ALPI: variants seen among roughly 807,000 people sequenced by gnomAD.
ALPI encodes the protein intestinal-type alkaline phosphatase.
A neutral mutation model predicts 51.5 loss-of-function variants in ALPI; 50 were observed. The observed-to-expected ratio is 0.97, with a 90% CI of 0.77 to 1.23. The LOEUF (loss-of-function observed/expected upper bound fraction) is 1.23. ALPI is among the 50% of genes most tolerant of loss of function. The probability of loss-of-function intolerance (pLI) is 0.00; values close to 1 mark genes in which losing one functional copy is unlikely to be tolerated. For missense variants in ALPI, 692 were observed against 722.4 expected (o/e 0.96, Z 0.48); for synonymous variants, 322 against 308.2 (o/e 1.04, Z -0.47).
rs369465035 is a variant in ALPI at position 232,458,957 on chromosome 2, C to G, written c.1398C>G (p.His466Gln). The G allele has an allele frequency of 1.3e-6, 2 of 1,598,052 alleles. No homozygotes were observed. The highest frequency in any genetic ancestry group is 1.7e-6 in the Non-Finnish European group (2 of 1,172,874). The change falls in exon 11 of 11, where the codon CAC becomes CAG. Residue 466 changes from histidine to glutamine, a missense_variant. Physicochemically the swap from His to Gln is conservative, Grantham distance 24. Coordinates refer to ENST00000295463, the MANE Select transcript of ALPI (RefSeq NM_001631.5). ...TGTTTGCGCGCGGCCCGCAGGCGCACCTGGTGCATGGTGTGCAGGAGCAGA... is the reference window on the plus strand; with the variant it reads ...TGTTTGCGCGCGGCCCGCAGGCGCAGCTGGTGCATGGTGTGCAGGAGCAGA... Reference protein sequence around the residue: ...VAVFARGPQAHLVHGVQEQSF... With the variant: ...VAVFARGPQAQLVHGVQEQSF...
Position 232,458,205 on chromosome 2 carries a change from G to T in ALPI, c.992-12G>T. ...CAGGTTCAAGCATCACCCCCCTCTG[G>T]CCTTCCTGCAGGCGGCCGCATCGAC... On this transcript the variant is annotated splice_polypyrimidine_tract_variant and intron_variant, in intron 8 of 10. Coordinates refer to ENST00000295463, the MANE Select transcript of ALPI (RefSeq NM_001631.5). 6.2e-7 allele frequency: 1 copy of T among 1,613,980 alleles called. No individual in the cohort carries two copies. Among genetic ancestry groups the T allele is most frequent in the Non-Finnish European group, 8.5e-7 (1 of 1,179,936 alleles).
In ALPI at chr2:232,456,517, G is replaced by C; in HGVS notation, c.184+52G>C. 1 of 1,611,222 alleles carries C rather than the reference G, an allele frequency of 6.2e-7. No homozygotes were observed. On this transcript the variant is annotated intron_variant, in intron 2 of 10. Transcript: ENST00000295463. This position sits in a 1 kb window ranked among gnomAD's most constrained non-coding sequence, Gnocchi z 4.2. Reference sequence around the variant, plus strand: ...CGTAGTCCTCACAGCCCCGGCACCCGGGACCTTCAGTGGTTCCAGGACAAC... The same window carrying C: ...CGTAGTCCTCACAGCCCCGGCACCCCGGACCTTCAGTGGTTCCAGGACAAC...
chr2:232,458,643 A>C lies in ALPI; in HGVS notation c.1195A>C (p.Ser399Arg). 1 of 1,613,838 alleles carries C rather than the reference A, an allele frequency of 6.2e-7. No individual in the cohort carries two copies. Residue 399 changes from serine (S) to arginine (R), a missense_variant, in exon 10 of 11, where the codon AGC becomes CGC. By Grantham distance (110) the Ser-to-Arg change is moderately radical. Transcript: ENST00000295463. ...RGSSIFGLAP[S>R]KAQDSKAYTS... ...GCATCTCCCTACAGGGTTGGCCCCCAGCAAGGCTCAGGACAGCAAAGCCTA... is the reference window on the plus strand; with the variant it reads ...GCATCTCCCTACAGGGTTGGCCCCCCGCAAGGCTCAGGACAGCAAAGCCTA...
Position 232,457,495 on chromosome 2 carries a change from G to T in ALPI, c.649-70G>T, listed in dbSNP as rs1483577241. ...CACAGCCCTGGGGAGGGGAGCCAGG[G>T]GCTATGCATGAGGAGGGGGCACGGG... On this transcript the variant is annotated intron_variant, in intron 5 of 10. Coordinates refer to ENST00000295463, the MANE Select transcript of ALPI (RefSeq NM_001631.5). The surrounding 1 kb of genome is among the most constrained non-coding windows in gnomAD (Gnocchi z 4.7). 4 of 1,553,510 alleles carry T rather than the reference G, an allele frequency of 2.6e-6. No individual in the cohort carries two copies. The African/African-American group carries it at 5.5e-5, about 21-fold the overall frequency.
Position 232,460,059 on chromosome 2 carries a change from A to G in ALPI, c.*913A>G, listed in dbSNP as rs1351849414. The G allele has an allele frequency of 1.3e-5, 2 of 152,296 alleles. No homozygotes were observed. The highest frequency in any genetic ancestry group is 2.9e-5 in the Non-Finnish European group (2 of 68,088). The allele number at this position is 152,296 out of a possible 1,614,324, so 9.4% of individuals were successfully genotyped here. ...GCCAGTACTACTTCCTAGGAGAAAA[A>G]TCATGAGTGAGTGTGGGCACAGTAT... On this transcript the variant is annotated 3_prime_UTR_variant, in exon 11 of 11. Transcript: ENST00000295463.
rs1206212043 is a variant in ALPI, at chr2:232,456,321, A to G, written c.68-28A>G. On this transcript the variant is annotated intron_variant, in intron 1 of 10. Transcript: ENST00000295463. This position sits in a 1 kb window ranked among gnomAD's most constrained non-coding sequence, Gnocchi z 4.2. ...ACAGGGCACCCCCTCAGCCAGGCTGACCTGATCTCTACTCTCCCCCTGGCC... is the reference window on the plus strand; with the variant it reads ...ACAGGGCACCCCCTCAGCCAGGCTGGCCTGATCTCTACTCTCCCCCTGGCC... The G allele has an allele frequency of 3.7e-6, 6 of 1,613,836 alleles. No individual in the cohort carries two copies. Among genetic ancestry groups the G allele is most frequent in the African/African-American group, 1.3e-5 (1 of 74,832 alleles).
chr2:232,458,549 C>T (rs1690244669), intron 9 of ALPI, 83 bp from the exon 10 acceptor site: 3 of 1,545,436 alleles, frequency 1.9e-6, no homozygotes, highest in South Asian at 1.2e-5. Flanking sequence ...CCCGAACAGG[C>T]AAAAAGTGGC....
Position 232,459,559 on chromosome 2 carries a change from A to C in ALPI, c.*413A>C. 5.4e-6 allele frequency: 1 copy of C among 183,760 alleles called. No individual in the cohort carries two copies. The highest frequency in any genetic ancestry group is 1.1e-5 in the Non-Finnish European group (1 of 89,046). The allele number at this position is 183,760 out of a possible 1,614,324, so 11.4% of individuals were successfully genotyped here. ...CGTCCCCCATCGTGGGACACGACAC[A>C]CCCAGACCGCGTGCCCCACCGTCTT... On this transcript the variant is annotated 3_prime_UTR_variant, in exon 11 of 11. Coordinates refer to ENST00000295463, the MANE Select transcript of ALPI (RefSeq NM_001631.5).
rs566739473 is a variant in ALPI at position 232,456,443 on chromosome 2, C to A, written c.162C>A (p.Asn54Lys). The change falls in exon 2 of 11, where the codon AAC (asparagine) becomes AAA (lysine). Residue 54 changes from asparagine (N) to lysine (K), a missense_variant. Physicochemically the swap from Asn to Lys is moderately conservative, Grantham distance 94. Transcript: ENST00000295463. This position sits in a 1 kb window ranked among gnomAD's most constrained non-coding sequence, Gnocchi z 4.2. ...KLQPIQKVAK[N>K]LILFLGDGLG... ...AGCCCATCCAGAAGGTCGCCAAGAA[C>A]CTCATCCTCTTCCTGGGCGATGGTG... is the stretch of plus-strand genomic sequence containing the variant. 1.1e-4 allele frequency: 173 copies of A among 1,614,038 alleles called. 1 individual carries two copies. In the South Asian group the frequency reaches 1.8e-3, roughly 16 times the overall value.
rs73007641 is a variant in ALPI at position 232,456,193 on chromosome 2, C to T, written c.-7C>T. 1 of 1,613,180 alleles carries T rather than the reference C, an allele frequency of 6.2e-7. No homozygotes were observed. The highest frequency in any genetic ancestry group is 8.5e-7 in the Non-Finnish European group (1 of 1,179,962). On this transcript the variant is annotated 5_prime_UTR_variant, in exon 1 of 11. Coordinates refer to ENST00000295463, the MANE Select transcript of ALPI (RefSeq NM_001631.5). The surrounding 1 kb of genome is among the most constrained non-coding windows in gnomAD (Gnocchi z 4.2). ...CCACTTCGCCTCCCTCCTGCTGCCCCCAAGACATGCAGGGGCCCTGGGTGC... is the reference window on the plus strand; with the variant it reads ...CCACTTCGCCTCCCTCCTGCTGCCCTCAAGACATGCAGGGGCCCTGGGTGC...
rs751809559 is a variant in ALPI at position 232,456,987 on chromosome 2, G to C, written c.389G>C (p.Gly130Ala). The change falls in exon 4 of 11, where the codon GGC becomes GCC. Residue 130 changes from glycine to alanine, a missense_variant. Transcript: ENST00000295463. The surrounding 1 kb of genome is among the most constrained non-coding windows in gnomAD (Gnocchi z 4.2). The stretch of plus-strand genomic sequence containing the variant: ...GTCAAGGCCAACTTCCAGACCATCG[G>C]CTTGAGTGCAGCCGCCCGCTTTAAC... The part of the protein sequence containing the change: ...CGVKANFQTI[G>A]LSAAARFNQC... The C allele has an allele frequency of 1.1e-5, 17 of 1,613,542 alleles. No individual in the cohort carries two copies. The highest frequency in any genetic ancestry group is 1.4e-5 in the Non-Finnish European group (17 of 1,180,040).
intron 10 of ALPI, 44 bp from the exon 11 acceptor site, chr2:232,458,816 G>T: frequency 6.2e-7 from 1 of 1,609,120 alleles, no homozygotes; most frequent in Non-Finnish European, 8.5e-7. Context: ...CGCGGGAGGG[G>T]GACGCCGCCT....
Position 232,458,297 on chromosome 2 carries a change from G to C in ALPI, c.1072G>C (p.Glu358Gln), listed in dbSNP as rs1364798496. The C allele has an allele frequency of 6.2e-7, 1 of 1,614,170 alleles. No homozygotes were observed. The highest frequency in any genetic ancestry group is 1.7e-5 in the Admixed American group (1 of 60,022). Residue 358 changes from glutamate (E) to glutamine (Q), a missense_variant, in exon 9 of 11, where the codon GAG becomes CAG. By Grantham distance (29) the Glu-to-Gln change is conservative. Transcript: ENST00000295463. The stretch of plus-strand genomic sequence containing the variant: ...GGCGGTCATGTTCGACGACGCCATT[G>C]AGAGGGCGGGCCAGCTCACCAGCGA... ...TEAVMFDDAI[E>Q]RAGQLTSEED...
rs1334845175 is a variant in ALPI at position 232,459,484 on chromosome 2, C to T, written c.*338C>T. 3.1e-6 allele frequency: 1 copy of T among 321,716 alleles called. No homozygotes were observed. Among genetic ancestry groups the T allele is most frequent in the Non-Finnish European group, 5.8e-6 (1 of 172,620 alleles). 19.9% of individuals were successfully genotyped at this position (321,716 alleles called of 1,614,324 possible). ...ATAAAGGGACCAAAACCACCCAACC[C>T]CCACCCTGCCTCTATCCTAAGGAAG... On this transcript the variant is annotated 3_prime_UTR_variant, in exon 11 of 11. Transcript: ENST00000295463.
In ALPI at chr2:232,456,738, G is replaced by C. The variant is rs767623702; in HGVS notation, c.300+43G>C. 8 of 1,559,120 alleles carry C rather than the reference G, an allele frequency of 5.1e-6. No homozygotes were observed. The highest frequency in any genetic ancestry group is 6.9e-6 in the Non-Finnish European group (8 of 1,151,786). ...TCAGAGTCCTCCAAGCAGAGGAGAG[G>C]GATCAAGGATATGGAGTGTGGCAGG... On this transcript the variant is annotated intron_variant, in intron 3 of 10. Transcript: ENST00000295463. This position sits in a 1 kb window ranked among gnomAD's most constrained non-coding sequence, Gnocchi z 4.2.
In ALPI at chr2:232,458,131, G is replaced by A. The variant is rs772242629; in HGVS notation, c.990G>A (p.Glu330=). 6.2e-7 allele frequency: 1 copy of A among 1,614,120 alleles called. No individual in the cohort carries two copies. Among genetic ancestry groups the A allele is most frequent in the Non-Finnish European group, 8.5e-7 (1 of 1,180,002 alleles). Residue 330 remains glutamate, a splice_region_variant and synonymous_variant, in exon 8 of 11, where the codon GAG becomes GAA. Transcript: ENST00000295463. The part of the protein sequence containing the change: ...RNPRGFYLFV[E]GGRIDHGHHE... ...CCCGCGGCTTCTACCTCTTTGTGGA[G>A]GGTGCGTGGTGGCCCCTGGGGAGTG...
rs61736995 is a variant in ALPI, at chr2:232,456,257, G to A, written c.58G>A (p.Val20Ile). Residue 20 changes from valine (V) to isoleucine (I), a missense_variant, in exon 1 of 11, where the codon GTC becomes ATC. Transcript: ENST00000295463. This position sits in a 1 kb window ranked among gnomAD's most constrained non-coding sequence, Gnocchi z 4.2. Reference sequence around the variant, plus strand: ...CCTGAGGCTACAGCTCTCCCTGGGCGTCATCCCAGGTAATGAGGCTCCCCA... The same window carrying A: ...CCTGAGGCTACAGCTCTCCCTGGGCATCATCCCAGGTAATGAGGCTCCCCA... ...LGLRLQLSLG[V>I]IPAEEENPAF... is the part of the protein sequence containing the mutation. The A allele has an allele frequency of 2.6e-3, 4,179 of 1,613,976 alleles. 75 individuals are homozygous for A. The African/African-American group carries it at 0.048, about 18-fold the overall frequency.
Position 232,457,358 on chromosome 2 carries a change from A to G in ALPI, c.648+36A>G. On this transcript the variant is annotated intron_variant, in intron 5 of 10. Transcript: ENST00000295463. This position sits in a 1 kb window ranked among gnomAD's most constrained non-coding sequence, Gnocchi z 4.7. ...CGGGCCAAGGGCTGGGGCTGGGCAG[A>G]GGGGAAGGTGGCACAGGCTCAGATC... is the stretch of plus-strand genomic sequence containing the variant. The G allele has an allele frequency of 6.3e-7, 1 of 1,575,310 alleles. No homozygotes were observed. The highest frequency in any genetic ancestry group is 8.6e-7 in the Non-Finnish European group (1 of 1,160,404).
At position 232,457,869 on chromosome 2, in the gene ALPI, T is replaced by C. The variant is rs1690226162; in HGVS notation, c.856+2T>C. ...ACCAGTCTGTGACCCATCTCATGGG[T>C]AATGACCCCCTTCCTGCCCTGGCAT... On this transcript the variant is annotated splice_donor_variant, in intron 7 of 10. Transcript: ENST00000295463. LOFTEE classifies it high-confidence loss of function. The surrounding 1 kb of genome is among the most constrained non-coding windows in gnomAD (Gnocchi z 4.7). 6.2e-7 allele frequency: 1 copy of C among 1,613,696 alleles called. No homozygotes were observed. The highest frequency in any genetic ancestry group is 2.2e-5 in the East Asian group (1 of 44,824).
Sources: gnomAD v4.1 joint callset for allele counts on GRCh38, gnomAD v4.1.1 for gene constraint, Gnocchi (gnomAD v3.1) non-coding constraint, MANE v1.5 for transcripts, NCBI Gene and HGNC (gene_info 2026-07-23, HGNC 2026-07-21) for gene names.